The following CLSTN1 variants were observed in gnomAD, a reference collection of about 807,000 sequenced individuals.
CLSTN1 encodes calsyntenin 1, also known as calsyntenin-1.
In CLSTN1, 28 loss-of-function variants were observed where a neutral mutation model predicts 108.3. That is an observed-to-expected ratio of 0.26 (90% CI 0.19 to 0.35). The LOEUF (loss-of-function observed/expected upper bound fraction) is 0.35, where lower values mean the gene tolerates loss of function less well. CLSTN1 is among the 10% of genes least tolerant of loss of function. The probability of loss-of-function intolerance (pLI) is 1.00; values close to 1 mark genes in which losing one functional copy is unlikely to be tolerated. For synonymous variants in CLSTN1, 524 were observed against 534.9 expected (o/e 0.98, Z 0.28); for missense variants, 1,157 against 1,302.6 (o/e 0.89, Z 1.72).
intron 1 of CLSTN1, among the ~76,000 whole-genome samples, chr1:9,811,216 T>C (rs921106085): frequency 6.6e-6 from 1 of 152,216 alleles, no homozygotes; most frequent in Non-Finnish European, 1.5e-5. Context: ...GGCTATGTTA[T>C]GAAGCTATCC....
intron 1 of CLSTN1, among the ~76,000 whole-genome samples, chr1:9,822,956 C>T (rs1396251114): frequency 1.3e-5 from 2 of 152,132 alleles, no homozygotes; most frequent in African/African-American, 4.8e-5. Flanking sequence ...GGTGAGCCCG[C>T]GGTCGCAAAT....
intron 4 of CLSTN1, among the ~76,000 whole-genome samples, chr1:9,752,611 C>A (rs920256128): frequency 1.3e-5 from 2 of 152,088 alleles, no homozygotes; most frequent in Non-Finnish European, 2.9e-5. Flanking sequence ...CACACCTATC[C>A]CAGCACTTTG....
intron 2 of CLSTN1, among the ~76,000 whole-genome samples, chr1:9,765,485 C>G (rs12034313): frequency 0.12 from 18,543 of 151,696 alleles, 1,804 homozygotes; most frequent in South Asian, 0.29. Flanking sequence ...AGTTTGAGAC[C>G]AGCCTGGCCA....
rs1393975017 is a variant in CLSTN1, at chr1:9,756,363, GAATA to G, written c.244+114_244+117del. ...ACTTTAAAATAGAAACAAAGTAGGA[GAATA>G]AATAAGGATAAAAGAGCATGACAGT... On this transcript the variant is annotated intron_variant, in intron 3 of 18. Transcript: ENST00000377298. 1.0e-5 allele frequency: 8 copies of G among 781,220 alleles called. No homozygotes were observed. The East Asian group carries it at 2.0e-4, about 19-fold the overall frequency. The allele number at this position is 781,220 out of a possible 1,614,324, so 48.4% of individuals were successfully genotyped here. A position where few individuals can be genotyped will look rare whatever the true frequency, so the allele number is the denominator to read the frequency against.
Position 9,740,493 on chromosome 1 carries a change from A to G in CLSTN1, c.1519+601T>C, listed in dbSNP as rs116136343. On this transcript the variant is annotated intron_variant, in intron 10 of 18. Coordinates refer to ENST00000377298, the MANE Select transcript of CLSTN1 (RefSeq NM_001009566.3). Reference sequence around the variant, plus strand: ...AGGGATTCTAAGGTTTAGGTGAGACAACGTGTATAAAGGAGTTGGCACACA... The same window carrying G: ...AGGGATTCTAAGGTTTAGGTGAGACGACGTGTATAAAGGAGTTGGCACACA... 9.2e-3 allele frequency among the ~76,000 whole-genome samples: 1,395 copies of G among 152,334 alleles called. 15 individuals are homozygous for G. Among genetic ancestry groups the G allele is most frequent in the East Asian group, 0.043 (222 of 5,190 alleles).
At chr1:9,785,919 T>C (rs566292784) in intron 1 of CLSTN1, among the ~76,000 whole-genome samples, 1 of 152,252 alleles carries the variant, frequency 6.6e-6, no homozygotes, top group South Asian at 2.1e-4. Context: ...GTCATGCCTG[T>C]AATCCCAGCA....
chr1:9,810,447 G>T (rs941438596), intron 1 of CLSTN1, among the ~76,000 whole-genome samples: 1 of 151,690 alleles, frequency 6.6e-6, no homozygotes, highest in African/African-American at 2.4e-5. Context: ...CTGCACTCCA[G>T]GCTGGGCAAC....
intron 9 of CLSTN1, among the ~76,000 whole-genome samples, chr1:9,742,673 T>A (rs764069267): frequency 6.6e-6 from 1 of 152,130 alleles, no homozygotes; most frequent in Non-Finnish European, 1.5e-5. Flanking sequence ...ATCACTCACA[T>A]AAATAAAAAA....
At chr1:9,744,256 G>GC (rs1473653905) in intron 8 of CLSTN1, 139 bp downstream of exon 8, 1 of 1,304,582 alleles carries the variant, frequency 7.7e-7, no homozygotes, top group Admixed American at 2.5e-5. Context: ...GGAACCAAGT[G>GC]CCCCAGGCAC....
chr1:9,775,979 T>C (rs1652921723), intron 1 of CLSTN1, among the ~76,000 whole-genome samples: 1 of 148,438 alleles, frequency 6.7e-6, no homozygotes, highest in Non-Finnish European at 1.5e-5. Flanking sequence ...CTCCTCTCTT[T>C]TTTTTTTTTT....
chr1:9,780,435 T>G (rs1314995781), intron 1 of CLSTN1, among the ~76,000 whole-genome samples: 1 of 152,144 alleles, frequency 6.6e-6, no homozygotes, highest in Non-Finnish European at 1.5e-5. Flanking sequence ...AATGTGTGTT[T>G]CTGCTGCCCA....
rs944068442 is a variant in CLSTN1, at chr1:9,728,937, T to G, written c.*1571A>C. 6.6e-6 allele frequency: 1 copy of G among 152,200 alleles called. No homozygotes were observed. The highest frequency in any genetic ancestry group is 2.4e-5 in the African/African-American group (1 of 41,436). 9.4% of individuals were successfully genotyped at this position (152,200 alleles called of 1,614,324 possible). On this transcript the variant is annotated 3_prime_UTR_variant, in exon 19 of 19. Coordinates refer to ENST00000377298, the MANE Select transcript of CLSTN1 (RefSeq NM_001009566.3). ...AAAAGAAAGAAAAAGCCTTTTTATG[T>G]TCTTTTATGTTCTCGGCTCAAAAAG...
chr1:9,819,707 T>C (rs370234430), intron 1 of CLSTN1, among the ~76,000 whole-genome samples: 114 of 152,334 alleles, frequency 7.5e-4, no homozygotes, highest in African/African-American at 2.7e-3. Flanking sequence ...AAAATTGGAA[T>C]ATATTCAAAA....
Position 9,771,151 on chromosome 1 carries a change from A to G in CLSTN1, c.214+2121T>C, listed in dbSNP as rs576894338. On this transcript the variant is annotated intron_variant, in intron 2 of 18. Transcript: ENST00000377298. ...GCCTGGACTGCAATCACTTCTTGAA[A>G]TGCGTAAAACATCAGTAATGTATAT... is the stretch of plus-strand genomic sequence containing the variant. Among the ~76,000 whole-genome samples the G allele has an allele frequency of 6.6e-5, 10 of 152,326 alleles. No homozygotes were observed. In the South Asian group the frequency reaches 2.1e-3, roughly 32 times the overall value.
chr1:9,751,707 T>A (rs1182939141), intron 4 of CLSTN1, 26 bp from the exon 5 acceptor site: 1 of 1,601,134 alleles, frequency 6.2e-7, no homozygotes, highest in South Asian at 1.1e-5. Context: ...GAGAAAAATA[T>A]TTTTCTGCTT....
intron 1 of CLSTN1, among the ~76,000 whole-genome samples, chr1:9,817,034 G>A (rs900069826): frequency 3.3e-5 from 5 of 152,200 alleles, no homozygotes; most frequent in Non-Finnish European, 7.3e-5. Flanking sequence ...AGAAGTTCTT[G>A]TCATGGGAGA....
intron 1 of CLSTN1, among the ~76,000 whole-genome samples, chr1:9,788,867 C>CAAAAAA (rs56093052): frequency 2.6e-5 from 2 of 76,276 alleles, no homozygotes; most frequent in Non-Finnish European, 2.5e-5. Context: ...GACTCCGTCT[C>CAAAAAA]AAAAAAAAAA....
chr1:9,812,496 G>A (rs1053938237), intron 1 of CLSTN1, among the ~76,000 whole-genome samples: 5 of 152,136 alleles, frequency 3.3e-5, no homozygotes, highest in Admixed American at 1.3e-4. Flanking sequence ...AATACTCAGG[G>A]CCAGTTTCCT....
In CLSTN1 at chr1:9,823,794, C is replaced by G. The variant is rs1220516096; in HGVS notation, c.-61G>C. 1 of 870,412 alleles carries G rather than the reference C, an allele frequency of 1.1e-6. No individual in the cohort carries two copies. Among genetic ancestry groups the G allele is most frequent in the East Asian group, 1.0e-4 (1 of 9,680 alleles). 53.9% of individuals were successfully genotyped at this position (870,412 alleles called of 1,614,324 possible). A position where few individuals can be genotyped will look rare whatever the true frequency, so the allele number is the denominator to read the frequency against. On this transcript the variant is annotated 5_prime_UTR_variant, in exon 1 of 19. Coordinates refer to ENST00000377298, the MANE Select transcript of CLSTN1 (RefSeq NM_001009566.3). This position sits in a 1 kb window ranked among gnomAD's most constrained non-coding sequence, Gnocchi z 6.3. Reference sequence around the variant, plus strand: ...GGGACGCCGAGCGGAGCTCTCGGAGCTCTCGGGGCTCTAGGGGCCTGGGGC... The same window carrying G: ...GGGACGCCGAGCGGAGCTCTCGGAGGTCTCGGGGCTCTAGGGGCCTGGGGC...
Sources: gnomAD v4.1 joint callset for allele counts (sites outside exome capture counted in the v4.1 genomes callset) on GRCh38, gnomAD v4.1.1 for gene constraint, Gnocchi (gnomAD v3.1) non-coding constraint, MANE v1.5 for transcripts, NCBI Gene and HGNC (gene_info 2026-07-23, HGNC 2026-07-21) for gene names.